NUDT19: variants seen among roughly 807,000 people sequenced by gnomAD.
NUDT19 encodes acyl-coenzyme A diphosphatase NUDT19.
A neutral mutation model predicts 22.2 loss-of-function variants in NUDT19; 31 were observed. The ratio of observed to expected loss-of-function variants is 1.40; its 90% confidence interval spans 1.05 to 1.89. The LOEUF (loss-of-function observed/expected upper bound fraction) is 1.89, where lower values mean the gene tolerates loss of function less well. Ranked by LOEUF, NUDT19 falls within the 40% of genes most tolerant of loss-of-function variation. NUDT19 has a pLI of 0.00. For synonymous variants in NUDT19, 325 were observed against 230.8 expected, an observed-to-expected ratio of 1.41 and a Z score of -3.70; for missense variants, 752 against 514.2, an observed-to-expected ratio of 1.46 and a Z score of -4.47.
intron 1 of NUDT19, among the ~76,000 whole-genome samples, chr19:32,697,376 A>AGG (rs1568432349): frequency 1.4e-4 from 22 of 152,188 alleles, no homozygotes; most frequent in Non-Finnish European, 8.8e-5. Context: ...TTGACCCTCA[A>AGG]GTGAGTCGGG....
At chr19:32,695,593 T>C (rs1187122221) in intron 1 of NUDT19, among the ~76,000 whole-genome samples, 1 of 152,214 alleles carries the variant, frequency 6.6e-6, no homozygotes, top group Non-Finnish European at 1.5e-5. Context: ...CTTTGCCTCT[T>C]TCTCTCTGCT....
intron 1 of NUDT19, among the ~76,000 whole-genome samples, chr19:32,699,967 G>C (rs1480420083): frequency 6.6e-6 from 1 of 152,058 alleles, no homozygotes; most frequent in Admixed American, 6.6e-5. Flanking sequence ...GTCTGGAGTT[G>C]TTTGTTCCTC....
chr19:32,697,517 C>T lies in NUDT19; in HGVS notation c.714+4843C>T, dbSNP rs145364684. 5.1e-3 allele frequency among the ~76,000 whole-genome samples: 775 copies of T among 152,246 alleles called. 6 individuals carry two copies. The highest frequency in any genetic ancestry group is 0.018 in the African/African-American group (750 of 41,548). ...GGGCTTTTTCCTAATACTCCTTAGTCCTTCTAGAACACAAGTCAGCAGATG... is the reference window on the plus strand; with the variant it reads ...GGGCTTTTTCCTAATACTCCTTAGTTCTTCTAGAACACAAGTCAGCAGATG... On this transcript the variant is annotated intron_variant, in intron 1 of 2. Coordinates refer to ENST00000397061, the MANE Select transcript of NUDT19 (RefSeq NM_001105570.2).
intron 1 of NUDT19, among the ~76,000 whole-genome samples, chr19:32,694,097 A>G (rs1240493851): frequency 1.3e-5 from 2 of 152,186 alleles, no homozygotes; most frequent in Non-Finnish European, 2.9e-5. Flanking sequence ...CCTTGATTCT[A>G]GAGGAAACAA....
At chr19:32,699,978 C>T (rs1227144228) in intron 1 of NUDT19, among the ~76,000 whole-genome samples, 1 of 152,084 alleles carries the variant, frequency 6.6e-6, no homozygotes, top group Non-Finnish European at 1.5e-5. Context: ...TTTGTTCCTC[C>T]TGGTGCGTTC....
chr19:32,701,771 G>C (rs1968338777), intron 1 of NUDT19, among the ~76,000 whole-genome samples: 1 of 152,108 alleles, frequency 6.6e-6, no homozygotes, highest in South Asian at 2.1e-4. Flanking sequence ...TACTCTGTTT[G>C]ATATTAATAT....
chr19:32,710,705 C>A (rs1968438080), intron 2 of NUDT19, among the ~76,000 whole-genome samples: 1 of 151,682 alleles, frequency 6.6e-6, no homozygotes, highest in Non-Finnish European at 1.5e-5. Flanking sequence ...ACCGGCCTGA[C>A]CAACATGGAG....
At chr19:32,701,441 A>C (rs1968335369) in intron 1 of NUDT19, among the ~76,000 whole-genome samples, 1 of 151,880 alleles carries the variant, frequency 6.6e-6, no homozygotes, top group African/African-American at 2.4e-5. Context: ...CAGGTGATCC[A>C]CCTGTCTGGG....
intron 1 of NUDT19, among the ~76,000 whole-genome samples, chr19:32,697,720 A>G: frequency 6.6e-6 from 1 of 152,188 alleles, no homozygotes; most frequent in Non-Finnish European, 1.5e-5. Context: ...CTAAAGCCAC[A>G]TTCTTTTCAT....
intron 2 of NUDT19, among the ~76,000 whole-genome samples, chr19:32,710,837 G>A (rs186199051): frequency 1.3e-5 from 2 of 151,818 alleles, no homozygotes; most frequent in Admixed American, 6.6e-5. Flanking sequence ...AGGTTGTGGT[G>A]AGCTGAGATT....
Position 32,692,153 on chromosome 19 carries a change from G to C in NUDT19, c.193G>C (p.Gly65Arg). Residue 65 changes from glycine (G) to arginine (R), a missense_variant, in exon 1 of 3, where the codon GGA (glycine) becomes CGA (arginine). Transcript: ENST00000397061. ...GCCGGGCGCGCACGTCTTCTCCGGC[G>C]GAGTGCTGGATGCGGCCGACCGCTC... ...FMPGAHVFSG[G>R]VLDAADRSAD... 1.3e-6 allele frequency: 2 copies of C among 1,508,716 alleles called. No individual in the cohort carries two copies. Among genetic ancestry groups the C allele is most frequent in the Non-Finnish European group, 1.8e-6 (2 of 1,138,278 alleles). 93.5% of individuals were successfully genotyped at this position (1,508,716 alleles called of 1,614,324 possible). A position where few individuals can be genotyped will look rare whatever the true frequency, so the allele number is the denominator to read the frequency against.
rs960767445 is a variant in NUDT19, at chr19:32,692,581, C to T, written c.621C>T (p.Gly207=). ...WSAWLTPFLR[G]TTRRFDTAFF... ...CCTGGCTCACCCCTTTCTTGCGGGG[C>T]ACCACTCGCCGCTTTGACACGGCCT... The change falls in exon 1 of 3, where the codon GGC becomes GGT. Residue 207 remains glycine, a synonymous_variant. Coordinates refer to ENST00000397061, the MANE Select transcript of NUDT19 (RefSeq NM_001105570.2). 2.5e-6 allele frequency: 4 copies of T among 1,589,488 alleles called. No individual in the cohort carries two copies. The highest frequency in any genetic ancestry group is 3.4e-6 in the Non-Finnish European group (4 of 1,171,158).
intron 2 of NUDT19, among the ~76,000 whole-genome samples, chr19:32,710,691 C>T (rs1044774512): frequency 6.6e-6 from 1 of 151,552 alleles, no homozygotes; most frequent in Non-Finnish European, 1.5e-5. Flanking sequence ...GGCGAGAGTT[C>T]GAGACCGGCC....
rs1016676829 is a variant in NUDT19 at position 32,692,316 on chromosome 19, C to T, written c.356C>T (p.Pro119Leu). 3 of 1,593,054 alleles carry T rather than the reference C, an allele frequency of 1.9e-6. No individual in the cohort carries two copies. Among genetic ancestry groups the T allele is most frequent in the Non-Finnish European group, 2.5e-6 (3 of 1,177,746 alleles). ...AAGACCGACAACACTGGGACGCTGC[C>T]TGAGGACGTAGCCTTCCGCATCTGC... ...DHKTDNTGTL[P>L]EDVAFRICAV... Residue 119 changes from proline to leucine, a missense_variant, in exon 1 of 3, where the codon CCT becomes CTT. Pro to Leu is a moderately conservative substitution (Grantham distance 98). Coordinates refer to ENST00000397061, the MANE Select transcript of NUDT19 (RefSeq NM_001105570.2).
At chr19:32,696,522 G>A (rs548397706) in intron 1 of NUDT19, among the ~76,000 whole-genome samples, 15 of 152,146 alleles carry the variant, frequency 9.9e-5, no homozygotes, top group African/African-American at 3.6e-4. Context: ...GCTTGAGTTT[G>A]TTCCTTCCAA....
rs1968457804 is a variant in NUDT19, at chr19:32,712,375, C to CA, written c.*418_*419insA. ...TACAGGTGTGGGCCACCACACCCAG[C>CA]CTTTTTTTTTTTTTTTTTTTTTTTT... On this transcript the variant is annotated 3_prime_UTR_variant, in exon 3 of 3. Coordinates refer to ENST00000397061, the MANE Select transcript of NUDT19 (RefSeq NM_001105570.2). The CA allele has an allele frequency of 3.2e-5, 3 of 92,982 alleles. No homozygotes were observed. The highest frequency in any genetic ancestry group is 1.5e-4 in the African/African-American group (3 of 19,854). The allele number at this position is 92,982 out of a possible 1,614,324, so 5.8% of individuals were successfully genotyped here. A position where few individuals can be genotyped will look rare whatever the true frequency, so the allele number is the denominator to read the frequency against.
chr19:32,701,199 G>GTTT (rs3042685), intron 1 of NUDT19, among the ~76,000 whole-genome samples: 2,602 of 100,982 alleles, frequency 0.026, 139 homozygotes, highest in Non-Finnish European at 0.035. Flanking sequence ...CATCTTGCAG[G>GTTT]TTTTTTTTTT....
Position 32,692,693 on chromosome 19 carries a change from C to T in NUDT19, c.714+19C>T, listed in dbSNP as rs1968212369. The T allele has an allele frequency of 7.6e-6, 11 of 1,445,442 alleles. No individual in the cohort carries two copies. The highest frequency in any genetic ancestry group is 4.5e-5 in the African/African-American group (3 of 67,204). 89.5% of individuals were successfully genotyped at this position (1,445,442 alleles called of 1,614,324 possible). On this transcript the variant is annotated intron_variant, in intron 1 of 2. Transcript: ENST00000397061. ...CTACCAGGTAAGGCCTGCTCAGGGCCTTGCTGCGGACCGCCAGGACGTGAG... is the reference window on the plus strand; with the variant it reads ...CTACCAGGTAAGGCCTGCTCAGGGCTTTGCTGCGGACCGCCAGGACGTGAG...
chr19:32,707,753 T>C (rs11879945), intron 1 of NUDT19, among the ~76,000 whole-genome samples: 88,929 of 151,608 alleles, frequency 0.59, 26,896 homozygotes, highest in East Asian at 0.83. Flanking sequence ...CCGAGGCGGG[T>C]GGATCACAAA....
Sources: allele counts gnomAD v4.1 joint callset (sites outside exome capture counted in the v4.1 genomes callset), GRCh38; gene constraint gnomAD v4.1.1; transcripts MANE v1.5; gene names NCBI Gene and HGNC (gene_info 2026-07-23, HGNC 2026-07-21).